Variants in GUCY1B1 observed in about 807,000 individuals in gnomAD.
The protein encoded by GUCY1B1 is guanylate cyclase soluble subunit beta-1.
GUCY1B1 carries 43 observed loss-of-function variants against 71.0 expected under a neutral mutation model. The ratio of observed to expected loss-of-function variants is 0.61; its 90% confidence interval spans 0.47 to 0.78. The LOEUF is 0.78. Ranked by LOEUF, GUCY1B1 falls within the 30% of genes least tolerant of loss-of-function variation. The pLI is 0.00. For missense variants in GUCY1B1, 535 were observed against 754.1 expected (o/e 0.71, Z 3.40); for synonymous variants, 266 against 259.7 (o/e 1.02, Z -0.23).
Position 155,807,637 on chromosome 4 carries a change from C to A in GUCY1B1, c.*1228C>A, listed in dbSNP as rs1740405801. The A allele has an allele frequency of 6.6e-6, 1 of 151,850 alleles. No individual in the cohort carries two copies. Among genetic ancestry groups the A allele is most frequent in the Non-Finnish European group, 1.5e-5 (1 of 67,934 alleles). The allele number at this position is 151,850 out of a possible 1,614,324, so 9.4% of individuals were successfully genotyped here. ...CAATAAAAATATTAACATTATTTTT[C>A]ATTTTATTAATGCCATTATTTTGTA... On this transcript the variant is annotated 3_prime_UTR_variant, in exon 14 of 14. Coordinates refer to ENST00000264424, the MANE Select transcript of GUCY1B1 (RefSeq NM_000857.5).
chr4:155,804,528 AT>A, intron 11 of GUCY1B1, 64 bp from the exon 12 acceptor site: 2 of 1,299,790 alleles, frequency 1.5e-6, no homozygotes, highest in Non-Finnish European at 2.2e-6. Flanking sequence ...TTAAAGTAAA[AT>A]AAAAAAAAAA....
chr4:155,799,934 G>A lies in GUCY1B1; in HGVS notation c.1035G>A (p.Leu345=). Residue 345 remains leucine, a synonymous_variant, in exon 9 of 14, where the codon CTG becomes CTA. Transcript: ENST00000264424. ...GGCTGTATCTAAGTGACATCCCTCT[G>A]CATGATGCCACGCGCGATCTTGTTC... ...RRGLYLSDIP[L]HDATRDLVLL... The A allele has an allele frequency of 3.7e-6, 6 of 1,613,418 alleles. No individual in the cohort carries two copies. The highest frequency in any genetic ancestry group is 5.1e-6 in the Non-Finnish European group (6 of 1,179,446).
chr4:155,801,642 C>T (rs750266836), intron 9 of GUCY1B1, among the ~76,000 whole-genome samples: 3 of 152,178 alleles, frequency 2.0e-5, no homozygotes, highest in Non-Finnish European at 4.4e-5. Context: ...TGTTCCTCTT[C>T]AGTCTTCCAA....
Position 155,784,069 on chromosome 4 carries a change from G to A in GUCY1B1, c.298-5645G>A, listed in dbSNP as rs114514978. Among the ~76,000 whole-genome samples, 1,142 of 152,134 alleles carry A rather than the reference G, an allele frequency of 7.5e-3. 18 individuals carry two copies. Among genetic ancestry groups the A allele is most frequent in the African/African-American group, 0.026 (1,088 of 41,530 alleles). On this transcript the variant is annotated intron_variant, in intron 4 of 13. Coordinates refer to ENST00000264424, the MANE Select transcript of GUCY1B1 (RefSeq NM_000857.5). ...GATCTTTTTTAACATGAGTTTAAAA[G>A]CAATAGAATAAGAGAAATATTTTAA...
At chr4:155,761,235 T>C (rs1258898390) in intron 2 of GUCY1B1, among the ~76,000 whole-genome samples, 5 of 152,226 alleles carry the variant, frequency 3.3e-5, no homozygotes, top group Non-Finnish European at 7.3e-5. Flanking sequence ...TTATAATTTT[T>C]ATTTTGCTTA....
chr4:155,788,819 C>T (rs1490728073), intron 4 of GUCY1B1, among the ~76,000 whole-genome samples: 1 of 152,106 alleles, frequency 6.6e-6, no homozygotes, highest in African/African-American at 2.4e-5. Context: ...ATTCCTATAC[C>T]ATGCTGTGCT....
At chr4:155,799,219 A>C (rs566584241) in intron 8 of GUCY1B1, among the ~76,000 whole-genome samples, 4 of 152,230 alleles carry the variant, frequency 2.6e-5, no homozygotes, top group Non-Finnish European at 5.9e-5. Flanking sequence ...TGTTGTTGGA[A>C]AAATGACACA....
At chr4:155,798,936 C>T (rs1739754403) in intron 8 of GUCY1B1, among the ~76,000 whole-genome samples, 1 of 152,168 alleles carries the variant, frequency 6.6e-6, no homozygotes. Context: ...CTCCCGGGTT[C>T]AAGCAATTCT....
intron 3 of GUCY1B1, among the ~76,000 whole-genome samples, chr4:155,776,588 T>C (rs1320913931): frequency 6.6e-6 from 1 of 152,012 alleles, no homozygotes; most frequent in Admixed American, 6.6e-5. Context: ...GAGAATGGCC[T>C]GAACCCGGGA....
chr4:155,798,385 A>G (rs1487952957), intron 8 of GUCY1B1, among the ~76,000 whole-genome samples: 1 of 152,138 alleles, frequency 6.6e-6, no homozygotes. Context: ...TTCATTTTTG[A>G]ACGTACAATC....
chr4:155,763,472 GTTTATC>G (rs1737136523), intron 2 of GUCY1B1, among the ~76,000 whole-genome samples: 1 of 151,940 alleles, frequency 6.6e-6, no homozygotes, highest in South Asian at 2.1e-4. Flanking sequence ...CAGATAAAAC[GTTTATC>G]TTTAATGAGT....
chr4:155,803,762 C>A lies in GUCY1B1; in HGVS notation c.1552C>A (p.Gln518Lys). ...GQVQVDGESV[Q>K]ITIGIHTGEV... ...GGTTCAAGTAGATGGTGAATCTGTT[C>A]AGGTTAGTAAATGAAGTAGATATTG... The change falls in exon 11 of 14, where the codon CAG (glutamine) becomes AAG (lysine). Residue 518 changes from glutamine to lysine, a missense_variant and splice_region_variant. By Grantham distance (53) the Gln-to-Lys change is moderately conservative (BLOSUM62 1). Transcript: ENST00000264424. The A allele has an allele frequency of 6.4e-7, 1 of 1,568,990 alleles. No individual in the cohort carries two copies. Among genetic ancestry groups the A allele is most frequent in the Non-Finnish European group, 8.6e-7 (1 of 1,158,808 alleles).
chr4:155,770,676 A>T (rs1737634561), intron 2 of GUCY1B1, among the ~76,000 whole-genome samples: 1 of 152,194 alleles, frequency 6.6e-6, no homozygotes, highest in Admixed American at 6.5e-5. Flanking sequence ...AGGAAAGAAG[A>T]TGAAGAATAG....
intron 5 of GUCY1B1, among the ~76,000 whole-genome samples, chr4:155,793,146 T>G (rs9992173): frequency 0.66 from 100,929 of 151,946 alleles, 34,807 homozygotes; most frequent in African/African-American, 0.84. Flanking sequence ...CATGATCTCG[T>G]CTCACTACAA....
chr4:155,773,353 CTTGT>C (rs1226584945), intron 2 of GUCY1B1, among the ~76,000 whole-genome samples: 1 of 152,140 alleles, frequency 6.6e-6, no homozygotes, highest in East Asian at 1.9e-4. Context: ...CCTTTGAATG[CTTGT>C]TTGAGAAAAG....
At chr4:155,776,501 C>G (rs1738057334) in intron 3 of GUCY1B1, among the ~76,000 whole-genome samples, 1 of 152,108 alleles carries the variant, frequency 6.6e-6, no homozygotes, top group African/African-American at 2.4e-5. Flanking sequence ...GAAACCCCCT[C>G]TCTACTAAAA....
At chr4:155,805,024 T>C (rs1740219869) in intron 12 of GUCY1B1, 79 bp from the exon 13 acceptor site, 2 of 1,285,576 alleles carry the variant, frequency 1.6e-6, no homozygotes, top group South Asian at 2.7e-5. Flanking sequence ...GCCATCTTGG[T>C]TTATAACATG....
In GUCY1B1 at chr4:155,803,655, T is replaced by G; in HGVS notation, c.1445T>G (p.Val482Gly). 1 of 1,605,204 alleles carries G rather than the reference T, an allele frequency of 6.2e-7. No individual in the cohort carries two copies. ...VETVGDKYMTVSGLPEPCIHH... is the reference protein window; with the variant it reads ...VETVGDKYMTGSGLPEPCIHH... ...ACTGTTGGTGACAAGTATATGACAG[T>G]GAGTGGTTTACCAGAGCCATGCATT... is the stretch of plus-strand genomic sequence containing the variant. The change falls in exon 11 of 14, where the codon GTG (valine) becomes GGG (glycine). Residue 482 changes from valine (V) to glycine (G), a missense_variant. Coordinates refer to ENST00000264424, the MANE Select transcript of GUCY1B1 (RefSeq NM_000857.5).
chr4:155,776,388 G>A (rs1398378148), intron 3 of GUCY1B1, among the ~76,000 whole-genome samples: 1 of 152,144 alleles, frequency 6.6e-6, no homozygotes, highest in African/African-American at 2.4e-5. Context: ...GCATCCATAT[G>A]TTGAATAAGA....
Sources: gnomAD v4.1 joint callset for allele counts (sites outside exome capture counted in the v4.1 genomes callset) on GRCh38, gnomAD v4.1.1 for gene constraint, MANE v1.5 for transcripts, NCBI Gene and HGNC (gene_info 2026-07-23, HGNC 2026-07-21) for gene names.